Variants in PPM1E observed in about 807,000 individuals in gnomAD.
PPM1E encodes the protein protein phosphatase, Mg2+/Mn2+ dependent 1E.
PPM1E carries 20 observed loss-of-function variants against 65.9 expected under a neutral mutation model. The observed-to-expected ratio is 0.30, with a 90% CI of 0.21 to 0.44. PPM1E has a LOEUF of 0.44. Ranked by LOEUF, PPM1E falls within the 20% of genes least tolerant of loss-of-function variation. PPM1E has a pLI of 1.00. For missense variants in PPM1E, 713 were observed against 953.1 expected (o/e 0.75, Z 3.32); for synonymous variants, 352 against 374.9 (o/e 0.94, Z 0.70).
rs36067765 is a variant in PPM1E, at chr17:58,766,606, TACACACAC to T, written c.464+10165_464+10172del. On this transcript the variant is annotated intron_variant, in intron 1 of 6. Transcript: ENST00000308249. ...GTATATTGTACTATATGTGTGTGTA[TACACACAC>T]ACACACACACACACACACAGTAAAA... Among the ~76,000 whole-genome samples the T allele has an allele frequency of 5.7e-5, 7 of 123,672 alleles. No individual in the cohort carries two copies. In the East Asian group the frequency reaches 2.1e-3, roughly 38 times the overall value. 81.1% of individuals were successfully genotyped at this position (123,672 alleles called of 152,430 possible).
chr17:58,884,325 A>AT (rs2051241040), intron 1 of PPM1E, among the ~76,000 whole-genome samples: 2 of 152,102 alleles, frequency 1.3e-5, no homozygotes, highest in Admixed American at 1.3e-4. Flanking sequence ...TGTGGTATAT[A>AT]TTGCTTTCCT....
intron 1 of PPM1E, among the ~76,000 whole-genome samples, chr17:58,781,331 G>C (rs1489486005): frequency 6.6e-6 from 1 of 151,640 alleles, no homozygotes; most frequent in Non-Finnish European, 1.5e-5. Flanking sequence ...AGTAGAGACG[G>C]GGTTTTGCCA....
intron 1 of PPM1E, among the ~76,000 whole-genome samples, chr17:58,784,383 C>G (rs1035892161): frequency 6.6e-6 from 1 of 151,966 alleles, no homozygotes; most frequent in African/African-American, 2.4e-5. Flanking sequence ...TAGAGTGAAT[C>G]AAAGTTCAGA....
chr17:58,945,332 G>A (rs923370421), intron 1 of PPM1E, among the ~76,000 whole-genome samples: 1 of 152,008 alleles, frequency 6.6e-6, no homozygotes, highest in Admixed American at 6.6e-5. Flanking sequence ...TAGTAGAGAC[G>A]GGGTTTCATC....
intron 1 of PPM1E, among the ~76,000 whole-genome samples, chr17:58,770,553 A>G (rs2049927273): frequency 6.6e-6 from 1 of 152,116 alleles, no homozygotes; most frequent in African/African-American, 2.4e-5. Flanking sequence ...AAACAAGTAA[A>G]ATATATTGAT....
chr17:58,793,626 G>A (rs2050177881), intron 1 of PPM1E, among the ~76,000 whole-genome samples: 1 of 152,020 alleles, frequency 6.6e-6, no homozygotes, highest in Admixed American at 6.6e-5. Context: ...AAAGTGCTGG[G>A]ATTACAAGCA....
rs1171044395 is a variant in PPM1E at position 58,982,880 on chromosome 17, T to G, written c.*1849T>G. The G allele has an allele frequency of 6.4e-7, 1 of 1,566,040 alleles. No homozygotes were observed. Among genetic ancestry groups the G allele is most frequent in the African/African-American group, 1.4e-5 (1 of 74,062 alleles). On this transcript the variant is annotated 3_prime_UTR_variant, in exon 7 of 7. Transcript: ENST00000308249. ...CTGTCACCTTCTGAAGCCTAGATCT[T>G]GTTAACCCATCAGGTGCAGTGTCAG... is the stretch of plus-strand genomic sequence containing the variant.
At chr17:58,842,278 TA>T (rs1567850758) in intron 1 of PPM1E, among the ~76,000 whole-genome samples, 1 of 152,098 alleles carries the variant, frequency 6.6e-6, no homozygotes, top group African/African-American at 2.4e-5. Flanking sequence ...ACGCGACAAG[TA>T]AACGTAATAT....
intron 1 of PPM1E, among the ~76,000 whole-genome samples, chr17:58,882,184 A>G (rs1001454417): frequency 6.6e-6 from 1 of 152,022 alleles, no homozygotes; most frequent in African/African-American, 2.4e-5. Flanking sequence ...AGCAAAAAAA[A>G]GAAAAGAAAG....
chr17:58,924,023 A>G (rs1157414053), intron 1 of PPM1E, among the ~76,000 whole-genome samples: 2 of 147,432 alleles, frequency 1.4e-5, no homozygotes, highest in Non-Finnish European at 3.0e-5. Flanking sequence ...GGTTCAAGCA[A>G]TTCTCTTGCC....
At chr17:58,788,425 A>AAG (rs2050125019) in intron 1 of PPM1E, among the ~76,000 whole-genome samples, 1 of 152,158 alleles carries the variant, frequency 6.6e-6, no homozygotes, top group Admixed American at 6.6e-5. Flanking sequence ...CAGAAGAGTC[A>AAG]CTTCAGTCTG....
intron 1 of PPM1E, among the ~76,000 whole-genome samples, chr17:58,794,280 G>T (rs1359674591): frequency 6.6e-6 from 1 of 151,918 alleles, no homozygotes; most frequent in Non-Finnish European, 1.5e-5. Context: ...AGGTCTCCCT[G>T]TGTTGCCCAG....
At chr17:58,904,082 A>G (rs1183767738) in intron 1 of PPM1E, among the ~76,000 whole-genome samples, 1 of 152,186 alleles carries the variant, frequency 6.6e-6, no homozygotes, top group Admixed American at 6.6e-5. Context: ...AAAGTTGAAT[A>G]CATGTCCACT....
chr17:58,955,537 G>T (rs1479532393), intron 1 of PPM1E, 112 bp from the exon 2 acceptor site: 12 of 1,153,160 alleles, frequency 1.0e-5, no homozygotes, highest in Non-Finnish European at 1.4e-5. Context: ...TTGTTTAAAG[G>T]TATAATTTTG....
intron 1 of PPM1E, among the ~76,000 whole-genome samples, chr17:58,815,499 G>A (rs1271344098): frequency 3.3e-5 from 5 of 152,144 alleles, no homozygotes; most frequent in African/African-American, 7.2e-5. Context: ...AAGAGTATGC[G>A]TTCTTTTAGA....
intron 1 of PPM1E, among the ~76,000 whole-genome samples, chr17:58,806,085 T>G (rs1265515773): frequency 6.6e-6 from 1 of 151,616 alleles, no homozygotes; most frequent in Non-Finnish European, 1.5e-5. Flanking sequence ...TCGTGGCACT[T>G]AACTTGACCA....
chr17:58,905,588 T>C (rs554178871), intron 1 of PPM1E, among the ~76,000 whole-genome samples: 1 of 152,202 alleles, frequency 6.6e-6, no homozygotes, highest in African/African-American at 2.4e-5. Context: ...GTATAAATCT[T>C]TTTATACATT....
intron 1 of PPM1E, among the ~76,000 whole-genome samples, chr17:58,758,787 A>G (rs972553710): frequency 6.6e-6 from 1 of 152,152 alleles, no homozygotes; most frequent in Admixed American, 6.6e-5. Context: ...AACAGGTTTA[A>G]AAACAGTTTT....
At chr17:58,774,858 C>CT (rs35302248) in intron 1 of PPM1E, among the ~76,000 whole-genome samples, 91 of 146,102 alleles carry the variant, frequency 6.2e-4, no homozygotes, top group South Asian at 1.5e-3. Context: ...CTGGGTAGTT[C>CT]TTTTTTTTTT....
Sources: gnomAD v4.1 joint callset for allele counts (sites outside exome capture counted in the v4.1 genomes callset) on GRCh38, gnomAD v4.1.1 for gene constraint, MANE v1.5 for transcripts, NCBI Gene and HGNC (gene_info 2026-07-23, HGNC 2026-07-21) for gene names.